The following PIAS4 variants were observed in gnomAD, a reference collection of about 807,000 sequenced individuals.
PIAS4 encodes E3 SUMO-protein ligase PIAS4.
PIAS4 carries 7 observed loss-of-function variants against 58.0 expected under a neutral mutation model. The ratio of observed to expected loss-of-function variants is 0.12; its 90% confidence interval spans 0.07 to 0.23. The LOEUF is 0.23. PIAS4 is among the 10% of genes least tolerant of loss of function. PIAS4 has a pLI of 1.00. For missense variants in PIAS4, 550 were observed against 709.5 expected (o/e 0.78, Z 2.55); for synonymous variants, 364 against 312.4 (o/e 1.17, Z -1.74).
intron 3 of PIAS4, 75 bp downstream of exon 3, chr19:4,024,195 C>T (rs148203416): frequency 4.3e-5 from 47 of 1,093,302 alleles, no homozygotes; most frequent in Middle Eastern, 2.2e-4. Context: ...TGGGGAGAGC[C>T]GGCAGCCACG....
rs1349452128 is a variant in PIAS4 at position 4,036,647 on chromosome 19, GT to G, written c.1143-726del. ...GTCTCACATCTATACAGTCCACACT[GT>G]CATACACACACATCTATACAGTCCA... On this transcript the variant is annotated intron_variant, in intron 9 of 10. Coordinates refer to ENST00000262971, the MANE Select transcript of PIAS4 (RefSeq NM_015897.4). 1.2e-3 allele frequency among the ~76,000 whole-genome samples: 140 copies of G among 119,144 alleles called. 20 individuals are homozygous for G. Among genetic ancestry groups the G allele is most frequent in the African/African-American group, 5.3e-3 (134 of 25,296 alleles). 78.2% of individuals were successfully genotyped at this position (119,144 alleles called of 152,430 possible). A position where few individuals can be genotyped will look rare whatever the true frequency, so the allele number is the denominator to read the frequency against.
intron 8 of PIAS4, 78 bp downstream of exon 8, chr19:4,033,251 G>A (rs1191018577): frequency 1.9e-5 from 27 of 1,448,546 alleles, no homozygotes; most frequent in African/African-American, 4.2e-5. Flanking sequence ...GGCCCGGGGC[G>A]GCTTGGCTGG....
In PIAS4 at chr19:4,038,981, G is replaced by A. The variant is rs1408375147; in HGVS notation, c.*1106G>A. The A allele has an allele frequency of 1.3e-5, 2 of 152,352 alleles. No homozygotes were observed. Among genetic ancestry groups the A allele is most frequent in the Non-Finnish European group, 2.9e-5 (2 of 68,154 alleles). 9.4% of individuals were successfully genotyped at this position (152,352 alleles called of 1,614,324 possible). ...CTCGCAGGCCCCACCCATGCCCTTG[G>A]CCTCAGGGTCCAACAACTGGGGGAG... On this transcript the variant is annotated 3_prime_UTR_variant, in exon 11 of 11. Transcript: ENST00000262971. This position sits in a 1 kb window ranked among gnomAD's most constrained non-coding sequence, Gnocchi z 4.1.
At chr19:4,019,411 C>T (rs1024483134) in intron 2 of PIAS4, among the ~76,000 whole-genome samples, 4 of 152,186 alleles carry the variant, frequency 2.6e-5, no homozygotes, top group African/African-American at 9.6e-5. Context: ...AATGACTGGG[C>T]CCTGTCTGCC....
At chr19:4,008,322 A>C (rs375627084) in intron 1 of PIAS4, among the ~76,000 whole-genome samples, 5 of 152,012 alleles carry the variant, frequency 3.3e-5, no homozygotes, top group African/African-American at 1.2e-4. Context: ...CGAGTCCTGG[A>C]TAGTGTCCTG....
intron 9 of PIAS4, among the ~76,000 whole-genome samples, chr19:4,035,103 C>T (rs76221675): frequency 0.015 from 2,341 of 152,264 alleles, 50 homozygotes; most frequent in African/African-American, 0.053. Context: ...GGCTGTGCTA[C>T]GCCTGGGGCG....
At chr19:4,023,838 C>T (rs1221095061) in intron 2 of PIAS4, among the ~76,000 whole-genome samples, 198 bp from the exon 3 acceptor site, 2 of 152,256 alleles carry the variant, frequency 1.3e-5, no homozygotes, top group East Asian at 3.8e-4. Context: ...CCATGGTGAG[C>T]GGCCCCGAGA....
At chr19:4,016,419 G>A (rs144998925) in intron 2 of PIAS4, among the ~76,000 whole-genome samples, 38 of 152,338 alleles carry the variant, frequency 2.5e-4, no homozygotes, top group Non-Finnish European at 4.3e-4. Context: ...GCCAAGAGCC[G>A]CCGGTCTGGC....
At chr19:4,014,510 C>A (rs192966772) in intron 2 of PIAS4, among the ~76,000 whole-genome samples, 1 of 152,360 alleles carries the variant, frequency 6.6e-6, no homozygotes, top group East Asian at 1.9e-4. Context: ...TCACCAAGTC[C>A]TCTGTGTGCC....
Position 4,013,650 on chromosome 19 carries a change from CTCAG to C in PIAS4, c.454+306_454+309del, listed in dbSNP as rs546876843. On this transcript the variant is annotated intron_variant, in intron 2 of 10. Coordinates refer to ENST00000262971, the MANE Select transcript of PIAS4 (RefSeq NM_015897.4). This position sits in a 1 kb window ranked among gnomAD's most constrained non-coding sequence, Gnocchi z 5.1. The stretch of plus-strand genomic sequence containing the variant: ...TTGGGGCTTGGGGGCTCTCATGAGG[CTCAG>C]TCAGGCTGGAGCCACCTCATCTGGA... Among the ~76,000 whole-genome samples the C allele has an allele frequency of 1.6e-4, 23 of 146,048 alleles. No individual in the cohort carries two copies. The highest frequency in any genetic ancestry group is 5.7e-4 in the African/African-American group (23 of 40,592).
chr19:4,020,111 T>C (rs1599220953), intron 2 of PIAS4, among the ~76,000 whole-genome samples: 1 of 151,758 alleles, frequency 6.6e-6, no homozygotes, highest in Non-Finnish European at 1.5e-5. Flanking sequence ...AGAGACGGGG[T>C]TTCACCATGT....
At chr19:4,020,115 A>G (rs1453814779) in intron 2 of PIAS4, among the ~76,000 whole-genome samples, 1 of 151,928 alleles carries the variant, frequency 6.6e-6, no homozygotes, top group Non-Finnish European at 1.5e-5. Context: ...ACGGGGTTTC[A>G]CCATGTTAGC....
In PIAS4 at chr19:4,013,744, A is replaced by C. The variant is rs1018455191; in HGVS notation, c.454+395A>C. 6.6e-6 allele frequency among the ~76,000 whole-genome samples: 1 copy of C among 152,148 alleles called. No individual in the cohort carries two copies. Among genetic ancestry groups the C allele is most frequent in the Non-Finnish European group, 1.5e-5 (1 of 68,020 alleles). Reference sequence around the variant, plus strand: ...GGCTGGCAGGCCTCAGCTCCTCGCCAGCTCTTGGCCACAGTCCCCAGGTCC... The same window carrying C: ...GGCTGGCAGGCCTCAGCTCCTCGCCCGCTCTTGGCCACAGTCCCCAGGTCC... On this transcript the variant is annotated intron_variant, in intron 2 of 10. Transcript: ENST00000262971. The surrounding 1 kb of genome is among the most constrained non-coding windows in gnomAD (Gnocchi z 5.1).
chr19:4,021,746 T>TC (rs1157337990), intron 2 of PIAS4, among the ~76,000 whole-genome samples: 3 of 145,406 alleles, frequency 2.1e-5, no homozygotes, highest in Non-Finnish European at 4.5e-5. Context: ...CTTTTTCTTT[T>TC]TTTTTTTTTT....
rs763362345 is a variant in PIAS4, at chr19:4,037,812, C to T, written c.1470C>T (p.Asp490=). 35 of 1,582,346 alleles carry T rather than the reference C, an allele frequency of 2.2e-5. No individual in the cohort carries two copies. The highest frequency in any genetic ancestry group is 9.4e-5 in the African/African-American group (7 of 74,514). Residue 490 remains aspartate (D), a synonymous_variant, in exon 11 of 11, where the codon GAC becomes GAT. Transcript: ENST00000262971. This position sits in a 1 kb window ranked among gnomAD's most constrained non-coding sequence, Gnocchi z 5.8. ...EEEEEEEEDE[D]EEGPRPKRRC... is the part of the protein sequence containing the mutation. ...AGGAAGAGGAGGAGGAAGACGAGGACGAAGAGGGGCCCCGGCCCAAGCGCC... is the reference window on the plus strand; with the variant it reads ...AGGAAGAGGAGGAGGAAGACGAGGATGAAGAGGGGCCCCGGCCCAAGCGCC...
chr19:4,033,150 G>C lies in PIAS4; in HGVS notation c.958G>C (p.Val320Leu). 1 of 1,610,914 alleles carries C rather than the reference G, an allele frequency of 6.2e-7. No individual in the cohort carries two copies. Among genetic ancestry groups the C allele is most frequent in the Non-Finnish European group, 8.5e-7 (1 of 1,179,746 alleles). ...TGACAGCGAGATCGCCACCACCGGT[G>C]TGCGGGTGTCCCTCATCTGTCCGGT... The part of the protein sequence containing the change: ...DPDSEIATTG[V>L]RVSLICPLVK... Residue 320 changes from valine to leucine, a missense_variant, in exon 8 of 11, where the codon GTG becomes CTG. Physicochemically the swap from Val to Leu is conservative, Grantham distance 32 (BLOSUM62 1). This residue lies in a region of PIAS4 where 225 missense variants were observed against 345.8 expected (regional missense o/e 0.65). Coordinates refer to ENST00000262971, the MANE Select transcript of PIAS4 (RefSeq NM_015897.4).
Position 4,033,539 on chromosome 19 carries a change from G to C in PIAS4, c.1101G>C (p.Val367=), listed in dbSNP as rs753987601. Residue 367 remains valine (V), a synonymous_variant, in exon 9 of 11, where the codon GTG becomes GTC. Transcript: ENST00000262971. The stretch of plus-strand genomic sequence containing the variant: ...AGAAGCCCACCTGGATGTGCCCCGT[G>C]TGCGACAAGCCAGCCCCCTACGACC... The part of the protein sequence containing the change: ...NEKKPTWMCP[V]CDKPAPYDQL... 9.9e-6 allele frequency: 16 copies of C among 1,608,654 alleles called. No homozygotes were observed. Among genetic ancestry groups the C allele is most frequent in the Admixed American group, 1.7e-5 (1 of 59,530 alleles).
intron 3 of PIAS4, among the ~76,000 whole-genome samples, chr19:4,026,159 G>C (rs1351452827): frequency 7.4e-6 from 1 of 135,794 alleles, no homozygotes; most frequent in Admixed American, 7.5e-5. Context: ...TTTTTGAAAT[G>C]AAGTCGCTCT....
rs1353236418 is a variant in PIAS4 at position 4,037,956 on chromosome 19, CCTTT to C, written c.*86_*89del. On this transcript the variant is annotated 3_prime_UTR_variant, in exon 11 of 11. Coordinates refer to ENST00000262971, the MANE Select transcript of PIAS4 (RefSeq NM_015897.4). The surrounding 1 kb of genome is among the most constrained non-coding windows in gnomAD (Gnocchi z 5.8). ...GCCTCGGGCGCAGAGGGAGGAGTGA[CCTTT>C]CTTTTTCTTTTTATTGTCGTTCGTT... 3.6e-6 allele frequency: 5 copies of C among 1,408,392 alleles called. No individual in the cohort carries two copies. In the East Asian group the frequency reaches 1.2e-4, roughly 35 times the overall value. The allele number at this position is 1,408,392 out of a possible 1,614,324, so 87.2% of individuals were successfully genotyped here.
Sources: gnomAD v4.1 joint callset for allele counts (sites outside exome capture counted in the v4.1 genomes callset) on GRCh38, gnomAD v4.1.1 for gene constraint, gnomAD v4.1.1 regional missense constraint, Gnocchi (gnomAD v3.1) non-coding constraint, MANE v1.5 for transcripts, NCBI Gene and HGNC (gene_info 2026-07-23, HGNC 2026-07-21) for gene names.